The following DLGAP2 variants were observed in gnomAD, a reference collection of about 807,000 sequenced individuals.
The protein encoded by DLGAP2 is disks large-associated protein 2.
In DLGAP2, 26 loss-of-function variants were observed where a neutral mutation model predicts 100.3. The ratio of observed to expected loss-of-function variants is 0.26; its 90% confidence interval spans 0.19 to 0.36. The LOEUF is 0.36. Ranked by LOEUF, DLGAP2 falls within the 10% of genes least tolerant of loss-of-function variation. DLGAP2 has a pLI of 1.00. For synonymous variants in DLGAP2, 886 were observed against 630.1 expected, an observed-to-expected ratio of 1.41 and a Z score of -6.08; for missense variants, 1,858 against 1,453.2, an observed-to-expected ratio of 1.28 and a Z score of -4.53.
At chr8:1,326,171 G>A (rs950897771) in intron 3 of DLGAP2, among the ~76,000 whole-genome samples, 3 of 152,172 alleles carry the variant, frequency 2.0e-5, no homozygotes, top group African/African-American at 7.2e-5. Context: ...AAGATTGGAA[G>A]TCTAACTATT....
At chr8:999,388 A>C (rs1800876598) in intron 2 of DLGAP2, among the ~76,000 whole-genome samples, 1 of 150,956 alleles carries the variant, frequency 6.6e-6, no homozygotes, top group African/African-American at 2.4e-5. Flanking sequence ...GATTATTTTG[A>C]ATCTTCTATG....
Position 1,360,955 on chromosome 8 carries a change from T to C in DLGAP2, c.106+102072T>C, listed in dbSNP as rs189983938. Among the ~76,000 whole-genome samples, 763 of 152,270 alleles carry C rather than the reference T, an allele frequency of 5.0e-3. 6 individuals are homozygous for C. The highest frequency in any genetic ancestry group is 0.018 in the African/African-American group (729 of 41,550). On this transcript the variant is annotated intron_variant, in intron 3 of 14. Transcript: ENST00000637795. ...CGTGTTTCAGAAGCACAGTGCCGAG[T>C]GTCTAAAAGGGAAGTGGGTGATTAC...
At chr8:824,470 C>G (rs1796648721) in intron 1 of DLGAP2, among the ~76,000 whole-genome samples, 1 of 152,160 alleles carries the variant, frequency 6.6e-6, no homozygotes, top group Admixed American at 6.5e-5. Flanking sequence ...CGTTGGCTTA[C>G]TTTTCCTATA....
chr8:1,181,170 ACTG>A (rs1797378725), intron 2 of DLGAP2, among the ~76,000 whole-genome samples: 1 of 97,706 alleles, frequency 1.0e-5, no homozygotes, highest in African/African-American at 4.2e-5. Flanking sequence ...CAGTACACTT[ACTG>A]TCGAGTGTGG....
At chr8:1,599,021 T>C (rs1796543013) in intron 6 of DLGAP2, among the ~76,000 whole-genome samples, 1 of 152,226 alleles carries the variant, frequency 6.6e-6, no homozygotes, top group Non-Finnish European at 1.5e-5. Flanking sequence ...TAAATTTTGC[T>C]CTAAACACTG....
At chr8:1,376,340 C>T (rs779829738) in intron 3 of DLGAP2, among the ~76,000 whole-genome samples, 13 of 152,268 alleles carry the variant, frequency 8.5e-5, no homozygotes, top group Non-Finnish European at 1.5e-4. Context: ...CTCCTGTGCA[C>T]CGCAGTCCCT....
chr8:1,576,382 G>GACT, intron 6 of DLGAP2, among the ~76,000 whole-genome samples: 1 of 152,148 alleles, frequency 6.6e-6, no homozygotes, highest in Middle Eastern at 3.2e-3. Flanking sequence ...TTTGTCAGAT[G>GACT]AGTAGATTGC....
At chr8:1,508,674 G>A (rs189055580) in intron 4 of DLGAP2, among the ~76,000 whole-genome samples, 19 of 149,734 alleles carry the variant, frequency 1.3e-4, no homozygotes, top group African/African-American at 4.7e-4. Flanking sequence ...CAACGTGGCG[G>A]GGGAGTTGGA....
chr8:1,250,571 A>G (rs1243730124), intron 2 of DLGAP2: 1 of 152,200 alleles, frequency 6.6e-6, no homozygotes, highest in Non-Finnish European at 1.5e-5. Context: ...GATCCTGAGC[A>G]GGTAATTATC....
At chr8:1,598,164 G>A (rs889093722) in intron 6 of DLGAP2, among the ~76,000 whole-genome samples, 2 of 152,150 alleles carry the variant, frequency 1.3e-5, no homozygotes, top group Non-Finnish European at 2.9e-5. Flanking sequence ...GATAGATTAT[G>A]TTTACTGATT....
At chr8:1,185,746 C>CAG (rs1797488282) in intron 2 of DLGAP2, among the ~76,000 whole-genome samples, 1 of 147,712 alleles carries the variant, frequency 6.8e-6, no homozygotes, top group Non-Finnish European at 1.5e-5. Flanking sequence ...CACACACACA[C>CAG]TCACACACAT....
chr8:1,263,146 A>G (rs777176953), intron 3 of DLGAP2, among the ~76,000 whole-genome samples: 12 of 152,226 alleles, frequency 7.9e-5, no homozygotes, highest in Non-Finnish European at 1.5e-4. Context: ...ATACGTTGAC[A>G]TGAACGATTC....
intron 6 of DLGAP2, chr8:1,621,517 C>G (rs1453504022): frequency 6.6e-6 from 1 of 152,364 alleles, no homozygotes; most frequent in East Asian, 1.9e-4. Flanking sequence ...CTGGCTCTCA[C>G]TCTCAGCTGG....
Position 1,508,644 on chromosome 8 carries a change from C to T in DLGAP2, c.172+7213C>T, listed in dbSNP as rs372149715. 1.8e-4 allele frequency among the ~76,000 whole-genome samples: 27 copies of T among 148,266 alleles called. No individual in the cohort carries two copies. In the South Asian group the frequency reaches 5.4e-3, roughly 30 times the overall value. ...GCCAGTAAGAATGACCTGGAAGCTC[C>T]CAGACATACGTAGCAGGCTCAACGT... On this transcript the variant is annotated intron_variant, in intron 4 of 14. Transcript: ENST00000637795.
intron 2 of DLGAP2, among the ~76,000 whole-genome samples, chr8:1,181,434 G>A (rs191939315): frequency 2.6e-5 from 4 of 152,140 alleles, no homozygotes; most frequent in Admixed American, 6.5e-5. Flanking sequence ...TGCAGGGCAC[G>A]TGATCTCATT....
chr8:741,244 G>A (rs370748131), intron 1 of DLGAP2, among the ~76,000 whole-genome samples: 2 of 152,240 alleles, frequency 1.3e-5, no homozygotes, highest in Non-Finnish European at 2.9e-5. Flanking sequence ...GCATGGGGTC[G>A]TAGGGTGTGC....
At chr8:1,022,140 C>G (rs1801640934) in intron 2 of DLGAP2, among the ~76,000 whole-genome samples, 1 of 152,142 alleles carries the variant, frequency 6.6e-6, no homozygotes, top group Non-Finnish European at 1.5e-5. Flanking sequence ...GTCCGAGCCA[C>G]ACACCCATCC....
At chr8:1,212,244 C>T (rs1798120992) in intron 2 of DLGAP2, among the ~76,000 whole-genome samples, 1 of 152,202 alleles carries the variant, frequency 6.6e-6, no homozygotes, top group Admixed American at 6.5e-5. Context: ...CTTCGGATAC[C>T]TGGAATCTCA....
chr8:804,210 G>C lies in DLGAP2; in HGVS notation c.18+66385G>C, dbSNP rs1585881873. Among the ~76,000 whole-genome samples, 3 of 152,332 alleles carry C rather than the reference G, an allele frequency of 2.0e-5. No individual in the cohort carries two copies. In the East Asian group the frequency reaches 5.8e-4, roughly 29 times the overall value. On this transcript the variant is annotated intron_variant, in intron 1 of 14. Transcript: ENST00000637795. ...TAGATTATTATGCTCCCTGGAGTCA[G>C]AGCTATTCTAGATTTTTCCTTGAAG... is the stretch of plus-strand genomic sequence containing the variant.
Sources: allele counts gnomAD v4.1 joint callset (sites outside exome capture counted in the v4.1 genomes callset), GRCh38; gene constraint gnomAD v4.1.1; transcripts MANE v1.5; gene names NCBI Gene and HGNC (gene_info 2026-07-23, HGNC 2026-07-21).